The following FBXO11 variants were observed in gnomAD, a reference collection of about 807,000 sequenced individuals.
FBXO11 encodes F-box protein 11, also known as F-box only protein 11.
In FBXO11, 13 loss-of-function variants were observed where a neutral mutation model predicts 117.0. The ratio of observed to expected loss-of-function variants is 0.11; its 90% CI spans 0.07 to 0.18. The LOEUF (loss-of-function observed/expected upper bound fraction) is 0.18, where lower values mean the gene tolerates loss of function less well. FBXO11 is among the 10% of genes least tolerant of loss of function. FBXO11 has a pLI of 1.00. For synonymous variants in FBXO11, 490 were observed against 380.5 expected (o/e 1.29, Z -3.35); for missense variants, 767 against 1,164.4 (o/e 0.66, Z 4.97).
At chr2:47,859,348 G>A (rs1333221047) in intron 1 of FBXO11, among the ~76,000 whole-genome samples, 1 of 152,134 alleles carries the variant, frequency 6.6e-6, no homozygotes, top group Non-Finnish European at 1.5e-5. Flanking sequence ...TTGTGCCAAA[G>A]TCAATGGTTC....
At chr2:47,877,419 A>AT (rs1347797423) in intron 1 of FBXO11, among the ~76,000 whole-genome samples, 3 of 152,186 alleles carry the variant, frequency 2.0e-5, no homozygotes, top group East Asian at 1.9e-4. Flanking sequence ...CATGATTCCC[A>AT]TTTTTTCCCA....
intron 1 of FBXO11, among the ~76,000 whole-genome samples, chr2:47,854,084 A>G (rs1290173116): frequency 6.6e-6 from 1 of 152,248 alleles, no homozygotes; most frequent in Admixed American, 6.5e-5. Flanking sequence ...GTTTCAAAGT[A>G]TGTATCACAT....
chr2:47,859,957 T>TC (rs1558449925), intron 1 of FBXO11, among the ~76,000 whole-genome samples: 1 of 152,156 alleles, frequency 6.6e-6, no homozygotes, highest in African/African-American at 2.4e-5. Context: ...TCATAGATTT[T>TC]CCCCCCTTTC....
At chr2:47,848,695 T>C (rs1673609556) in intron 1 of FBXO11, among the ~76,000 whole-genome samples, 1 of 152,196 alleles carries the variant, frequency 6.6e-6, no homozygotes, top group Non-Finnish European at 1.5e-5. Flanking sequence ...ATAAGTAAAG[T>C]CTTCTGGAAA....
chr2:47,901,162 CATATATATGT>C (rs1311068141), intron 1 of FBXO11, among the ~76,000 whole-genome samples: 4 of 108,234 alleles, frequency 3.7e-5, no homozygotes, highest in African/African-American at 6.1e-5. Context: ...TACATATATA[CATATATATGT>C]ATATATATGT....
chr2:47,850,271 A>T (rs1673758368), intron 1 of FBXO11, among the ~76,000 whole-genome samples: 1 of 152,164 alleles, frequency 6.6e-6, no homozygotes, highest in African/African-American at 2.4e-5. Flanking sequence ...AGGTGGGGAA[A>T]AAAGATGAGT....
rs1425350183 is a variant in FBXO11 at position 47,905,802 on chromosome 2, G to A, written c.-82C>T. The A allele has an allele frequency of 1.5e-5, 21 of 1,361,338 alleles. No homozygotes were observed. The highest frequency in any genetic ancestry group is 1.3e-4 in the Admixed American group (6 of 45,300). The allele number at this position is 1,361,338 out of a possible 1,614,324, so 84.3% of individuals were successfully genotyped here. ...GAGCTTCGGGGCAGGAGAAAGGGGT[G>A]GGGAGAGTGGGAGAGGGGGGAGGAA... On this transcript the variant is annotated 5_prime_UTR_variant, in exon 1 of 23. Transcript: ENST00000403359.
intron 4 of FBXO11, 91 bp from the exon 5 acceptor site, chr2:47,836,092 A>C: frequency 2.3e-6 from 2 of 887,404 alleles, no homozygotes; most frequent in Non-Finnish European, 3.3e-6. Flanking sequence ...TTGAGGCCTC[A>C]AAAACTTGAG....
rs1008103105 is a variant in FBXO11, at chr2:47,821,884, G to A, written c.1702+334C>T. ...AGGCGGGAAGATCACCTGAGGCCAG[G>A]AGTTCAAGACCAGCCTGGGCAACAA... On this transcript the variant is annotated intron_variant, in intron 13 of 22. Transcript: ENST00000403359. 3.3e-5 allele frequency among the ~76,000 whole-genome samples: 5 copies of A among 152,278 alleles called. No individual in the cohort carries two copies. The East Asian group carries it at 9.7e-4, about 29-fold the overall frequency.
chr2:47,905,411 CCCG>C, intron 1 of FBXO11, 75 bp downstream of exon 1: 1 of 1,024,038 alleles, frequency 9.8e-7, no homozygotes, highest in Non-Finnish European at 1.2e-6. Flanking sequence ...CCCCCGCCCG[CCCG>C]CCCGCCCGCC....
At chr2:47,866,767 C>T (rs1048939805) in intron 1 of FBXO11, among the ~76,000 whole-genome samples, 2 of 152,256 alleles carry the variant, frequency 1.3e-5, no homozygotes, top group Middle Eastern at 3.4e-3. Context: ...CCACTGCGCC[C>T]GGCCTATGCT....
intron 21 of FBXO11, chr2:47,808,948 C>A: frequency 2.4e-6 from 1 of 418,256 alleles, no homozygotes; most frequent in Non-Finnish European, 4.2e-6. Flanking sequence ...CCTCCCACTT[C>A]AGCCTCCCAA....
At chr2:47,838,224 C>A (rs544794991) in intron 4 of FBXO11, among the ~76,000 whole-genome samples, 1 of 151,990 alleles carries the variant, frequency 6.6e-6, no homozygotes, top group East Asian at 1.9e-4. Flanking sequence ...CAGAGCAAGA[C>A]CCTGTCTCTC....
chr2:47,894,350 A>G (rs1225497272), intron 1 of FBXO11, among the ~76,000 whole-genome samples: 2 of 152,218 alleles, frequency 1.3e-5, no homozygotes, highest in Non-Finnish European at 2.9e-5. Context: ...GAATATGCAG[A>G]AAACTAGAAA....
Position 47,888,076 on chromosome 2 carries a change from T to C in FBXO11, c.232+17413A>G, listed in dbSNP as rs1355480887. 2.0e-5 allele frequency among the ~76,000 whole-genome samples: 3 copies of C among 152,220 alleles called. No homozygotes were observed. The East Asian group carries it at 5.8e-4, about 29-fold the overall frequency. On this transcript the variant is annotated intron_variant, in intron 1 of 22. Coordinates refer to ENST00000403359, the MANE Select transcript of FBXO11 (RefSeq NM_001190274.2). Reference sequence around the variant, plus strand: ...TATATGTATGTATTCTTTAATTCACTTAAGGATTTCTAGGGTGCCAGGCAC... The same window carrying C: ...TATATGTATGTATTCTTTAATTCACCTAAGGATTTCTAGGGTGCCAGGCAC...
intron 4 of FBXO11, among the ~76,000 whole-genome samples, chr2:47,838,241 CA>C (rs1293416006): frequency 4.6e-5 from 7 of 151,994 alleles, no homozygotes; most frequent in Middle Eastern, 6.8e-3. Flanking sequence ...TCTCAAAAAA[CA>C]AATGAAAATC....
In FBXO11 at chr2:47,832,638, G is replaced by A. The variant is rs980753670; in HGVS notation, c.1194C>T (p.Pro398=). 3 of 1,613,890 alleles carry A rather than the reference G, an allele frequency of 1.9e-6. No homozygotes were observed. Among genetic ancestry groups the A allele is most frequent in the Non-Finnish European group, 2.5e-6 (3 of 1,179,932 alleles). ...CACTGATGTTACAGTGCTTGATGGT[G>A]GGACATGCTCCTTGACCACTAACAC... The part of the protein sequence containing the change: ...AVCVSGQGAC[P]TIKHCNISDC... Residue 398 remains proline (P), a synonymous_variant, in exon 10 of 23, where the codon CCC becomes CCT. Transcript: ENST00000403359.
At chr2:47,823,845 T>C (rs910355270) in intron 11 of FBXO11, among the ~76,000 whole-genome samples, 2 of 152,174 alleles carry the variant, frequency 1.3e-5, no homozygotes, top group East Asian at 1.9e-4. Flanking sequence ...ATTTAAATGT[T>C]TTAATTTTTT....
At chr2:47,868,797 C>A (rs1675393080) in intron 1 of FBXO11, among the ~76,000 whole-genome samples, 1 of 152,206 alleles carries the variant, frequency 6.6e-6, no homozygotes, top group African/African-American at 2.4e-5. Context: ...AATATAGTAC[C>A]ATTTCCTGGG....
Sources: gnomAD v4.1 joint callset for allele counts (sites outside exome capture counted in the v4.1 genomes callset) on GRCh38, gnomAD v4.1.1 for gene constraint, MANE v1.5 for transcripts, NCBI Gene and HGNC (gene_info 2026-07-23, HGNC 2026-07-21) for gene names.